The following NUCB2 variants were observed in gnomAD, a reference collection of about 807,000 sequenced individuals.
NUCB2 encodes nucleobindin-2.
Under a neutral mutation model 57.9 loss-of-function variants are expected in NUCB2, and 48 were observed. The ratio of observed to expected loss-of-function variants is 0.83; its 90% CI spans 0.66 to 1.05. NUCB2 has a LOEUF of 1.05. Ranked by LOEUF, NUCB2 falls within the 50% of genes least tolerant of loss-of-function variation. The probability of loss-of-function intolerance (pLI) is 0.00; values close to 1 mark genes in which losing one functional copy is unlikely to be tolerated. For synonymous variants in NUCB2, 139 were observed against 152.1 expected (o/e 0.91, Z 0.64); for missense variants, 442 against 476.2 (o/e 0.93, Z 0.67).
At chr11:17,345,167 GA>G (rs988108636) in intron 2 of NUCB2, among the ~76,000 whole-genome samples, 5 of 148,974 alleles carry the variant, frequency 3.4e-5, no homozygotes, top group South Asian at 2.1e-4. Flanking sequence ...AGTATCTTCT[GA>G]AAAAAAAATT....
At chr11:17,280,317 T>G (rs1201230384) in intron 1 of NUCB2, among the ~76,000 whole-genome samples, 1 of 152,200 alleles carries the variant, frequency 6.6e-6, no homozygotes, top group Non-Finnish European at 1.5e-5. Flanking sequence ...CAACAGAGGC[T>G]CTAAGATCTA....
chr11:17,315,562 T>C, intron 11 of NUCB2, 87 bp downstream of exon 11: 1 of 682,390 alleles, frequency 1.5e-6, no homozygotes, highest in Non-Finnish European at 2.5e-6. Flanking sequence ...CCCCATTATG[T>C]TTGCATGTAT....
At chr11:17,287,448 GA>G (rs1025727009) in intron 2 of NUCB2, among the ~76,000 whole-genome samples, 1 of 151,960 alleles carries the variant, frequency 6.6e-6, no homozygotes, top group African/African-American at 2.4e-5. Flanking sequence ...GAGGTGGGCA[GA>G]TTGGTTGAGG....
chr11:17,344,982 C>G (rs1952599650), intron 2 of NUCB2, among the ~76,000 whole-genome samples: 1 of 152,208 alleles, frequency 6.6e-6, no homozygotes, highest in Non-Finnish European at 1.5e-5. Flanking sequence ...AGCTGTTAGT[C>G]TGGTATCTAT....
At chr11:17,332,725 T>A (rs1158389302), downstream of NUCB2, 1 of 151,786 alleles carries the variant, frequency 6.6e-6, no homozygotes, top group Non-Finnish European at 1.5e-5. Context: ...CCTTTTAAAT[T>A]TTTTAGAGAC....
downstream of NUCB2, chr11:17,332,723 A>T (rs890960382): frequency 1.3e-5 from 2 of 151,672 alleles, no homozygotes; most frequent in Non-Finnish European, 2.9e-5. Flanking sequence ...GACCTTTTAA[A>T]TTTTTTAGAG....
chr11:17,338,351 T>C (rs1432493808), intron 2 of NUCB2, among the ~76,000 whole-genome samples: 1 of 152,200 alleles, frequency 6.6e-6, no homozygotes, highest in Non-Finnish European at 1.5e-5. Flanking sequence ...CTGAATGCCA[T>C]GTAGCAGTTT....
chr11:17,323,067 T>C (rs1295318960), intron 11 of NUCB2, among the ~76,000 whole-genome samples: 1 of 152,176 alleles, frequency 6.6e-6, no homozygotes, highest in African/African-American at 2.4e-5. Context: ...TTGGATGCCC[T>C]TTATATCTTT....
In NUCB2 at chr11:17,330,070, A is replaced by G; in HGVS notation, c.1003-57A>G. On this transcript the variant is annotated intron_variant, in intron 11 of 13. Coordinates refer to ENST00000529010, the MANE Select transcript of NUCB2 (RefSeq NM_005013.4). This position sits in a 1 kb window ranked among gnomAD's most constrained non-coding sequence, Gnocchi z 4.3. ...GCTAACCATAGAATTTTAAAGCTAA[A>G]TCAGACTTTATTGTTGTAGTTTTGA... 1.0e-6 allele frequency: 1 copy of G among 983,202 alleles called. No homozygotes were observed. Among genetic ancestry groups the G allele is most frequent in the Non-Finnish European group, 1.5e-6 (1 of 675,394 alleles). 60.9% of individuals were successfully genotyped at this position (983,202 alleles called of 1,614,324 possible). A position where few individuals can be genotyped will look rare whatever the true frequency, so the allele number is the denominator to read the frequency against.
rs1318504054 is a variant in NUCB2, at chr11:17,309,604, C to T, written c.412C>T (p.Gln138Ter). The T allele has an allele frequency of 1.2e-6, 2 of 1,604,102 alleles. No homozygotes were observed. The highest frequency in any genetic ancestry group is 2.3e-5 in the East Asian group (1 of 44,148). The change falls in exon 6 of 14, where the codon CAA (glutamine) becomes TAA (stop). Residue 138 changes from glutamine to a stop codon, truncating the protein, a stop_gained. Transcript: ENST00000529010. LOFTEE classifies it high-confidence loss of function. ...CATGGACCACCAAGCTCTTCTAAAACAATTTGATCACCTAAACCACCTGAA... is the reference window on the plus strand; with the variant it reads ...CATGGACCACCAAGCTCTTCTAAAATAATTTGATCACCTAAACCACCTGAA... ...IGMDHQALLK[Q>*]FDHLNHLNPD...
rs1370291248 is a variant in NUCB2 at position 17,330,401 on chromosome 11, A to T, written c.1173+104A>T. The T allele has an allele frequency of 1.1e-5, 7 of 645,510 alleles. No homozygotes were observed. Among genetic ancestry groups the T allele is most frequent in the Non-Finnish European group, 1.8e-5 (7 of 394,602 alleles). The allele number at this position is 645,510 out of a possible 1,614,324, so 40.0% of individuals were successfully genotyped here. The stretch of plus-strand genomic sequence containing the variant: ...TCATTGTACTATATAGTACACTGCT[A>T]TAGCTATACTATAGTATTTTAAATT... On this transcript the variant is annotated intron_variant, in intron 12 of 13. Coordinates refer to ENST00000529010, the MANE Select transcript of NUCB2 (RefSeq NM_005013.4). This position sits in a 1 kb window ranked among gnomAD's most constrained non-coding sequence, Gnocchi z 4.3.
chr11:17,304,410 T>C (rs752022524), intron 5 of NUCB2, among the ~76,000 whole-genome samples: 2 of 152,108 alleles, frequency 1.3e-5, no homozygotes, highest in Non-Finnish European at 1.5e-5. Flanking sequence ...GTCAGGCTGG[T>C]CTCGAACTCC....
chr11:17,317,401 G>A (rs529175899), intron 11 of NUCB2, among the ~76,000 whole-genome samples: 58 of 152,230 alleles, frequency 3.8e-4, no homozygotes, highest in African/African-American at 1.3e-3. Flanking sequence ...ATACTTGAGT[G>A]TATATTTCTT....
At chr11:17,324,398 T>C (rs1950395399) in intron 11 of NUCB2, among the ~76,000 whole-genome samples, 1 of 152,168 alleles carries the variant, frequency 6.6e-6, no homozygotes, top group Admixed American at 6.6e-5. Context: ...TTTTATTCCA[T>C]TGTGGTCAGA....
At chr11:17,277,811 G>C (rs1402417404) in intron 1 of NUCB2, among the ~76,000 whole-genome samples, 1 of 152,320 alleles carries the variant, frequency 6.6e-6, no homozygotes, top group East Asian at 1.9e-4. Flanking sequence ...GAAAGTTAAA[G>C]AATTGATGAG....
chr11:17,307,534 T>A (rs1311264907), intron 5 of NUCB2, among the ~76,000 whole-genome samples: 2 of 152,214 alleles, frequency 1.3e-5, no homozygotes, highest in Non-Finnish European at 2.9e-5. Flanking sequence ...CAAAAGGAAA[T>A]ACACATTTTT....
At chr11:17,280,115 T>A (rs542887882) in intron 1 of NUCB2, among the ~76,000 whole-genome samples, 1 of 152,244 alleles carries the variant, frequency 6.6e-6, no homozygotes, top group African/African-American at 2.4e-5. Flanking sequence ...TTTTTGGCAG[T>A]GTATTTTAAT....
intron 2 of NUCB2, among the ~76,000 whole-genome samples, chr11:17,345,456 C>A (rs567519436): frequency 6.6e-6 from 1 of 152,246 alleles, no homozygotes; most frequent in Non-Finnish European, 1.5e-5. Flanking sequence ...CGCCTGTAAT[C>A]CCAGTACTTT....
rs192053039 is a variant in NUCB2 at position 17,311,980 on chromosome 11, C to T, written c.820-48C>T. On this transcript the variant is annotated intron_variant, in intron 9 of 13. Transcript: ENST00000529010. The stretch of plus-strand genomic sequence containing the variant: ...GTGTTCTTGTTCTCTCTCTTTTTTT[C>T]CTGTTACTTTCTTTCCTTTCATGTT... The T allele has an allele frequency of 4.1e-4, 626 of 1,537,504 alleles. 4 individuals carry two copies. The African/African-American group carries it at 7.9e-3, about 19-fold the overall frequency.
Sources: allele counts gnomAD v4.1 joint callset (sites outside exome capture counted in the v4.1 genomes callset), GRCh38; gene constraint gnomAD v4.1.1; non-coding constraint Gnocchi (gnomAD v3.1); transcripts MANE v1.5; gene names NCBI Gene and HGNC (gene_info 2026-07-23, HGNC 2026-07-21).